The following TMEFF2 variants were observed in gnomAD, a reference collection of about 807,000 sequenced individuals.
TMEFF2 encodes transmembrane protein with EGF like and two follistatin like domains 2.
In TMEFF2, 28 loss-of-function variants were observed where a neutral mutation model predicts 53.8. The observed-to-expected ratio is 0.52, with a 90% CI of 0.39 to 0.71. The LOEUF (loss-of-function observed/expected upper bound fraction) is 0.71. TMEFF2 is among the 30% of genes least tolerant of loss of function. The pLI is 0.00. For synonymous variants in TMEFF2, 162 were observed against 166.3 expected, an observed-to-expected ratio of 0.97 and a Z score of 0.20; for missense variants, 353 against 455.2, an observed-to-expected ratio of 0.78 and a Z score of 2.04.
chr2:192,147,235 T>C (rs1047819827), intron 4 of TMEFF2, among the ~76,000 whole-genome samples: 38 of 152,052 alleles, frequency 2.5e-4, no homozygotes, highest in African/African-American at 8.4e-4. Flanking sequence ...TGGGTATATA[T>C]AAATTCAGAT....
At chr2:191,980,039 C>T (rs983024226) in intron 7 of TMEFF2, among the ~76,000 whole-genome samples, 8 of 152,096 alleles carry the variant, frequency 5.3e-5, no homozygotes, top group African/African-American at 1.7e-4. Context: ...CAGTCTTATT[C>T]GTTTACTCAA....
chr2:192,164,216 G>T (rs1396488710), intron 4 of TMEFF2, among the ~76,000 whole-genome samples: 3 of 151,978 alleles, frequency 2.0e-5, no homozygotes, highest in Non-Finnish European at 4.4e-5. Context: ...CCACTTTCCT[G>T]CTCATTCACT....
At chr2:192,176,426 G>C (rs75460799) in intron 4 of TMEFF2, among the ~76,000 whole-genome samples, 258 of 151,376 alleles carry the variant, frequency 1.7e-3, no homozygotes, top group African/African-American at 6.1e-3. Flanking sequence ...AACACTAAAA[G>C]AAGAGGATAC....
chr2:191,964,643 G>A lies in TMEFF2; in HGVS notation c.746-8265C>T, dbSNP rs116711814. Among the ~76,000 whole-genome samples the A allele has an allele frequency of 4.6e-3, 697 of 151,848 alleles. 3 individuals carry two copies. Among genetic ancestry groups the A allele is most frequent in the Non-Finnish European group, 7.6e-3 (517 of 67,960 alleles). ...AATGAAAAAGGCCCTCTCAATCCAT[G>A]TCCCTTGGTAGACCTCGTTTCCTTT... On this transcript the variant is annotated intron_variant, in intron 7 of 9. Transcript: ENST00000272771.
At chr2:192,101,619 AAC>A (rs1343983586) in intron 4 of TMEFF2, among the ~76,000 whole-genome samples, 1 of 152,198 alleles carries the variant, frequency 6.6e-6, no homozygotes, top group African/African-American at 2.4e-5. Context: ...CAAAGTGAGA[AAC>A]ACAGCTGGCA....
At chr2:192,011,948 G>A (rs1168504195) in intron 5 of TMEFF2, among the ~76,000 whole-genome samples, 1 of 151,734 alleles carries the variant, frequency 6.6e-6, no homozygotes, top group Non-Finnish European at 1.5e-5. Context: ...GTGCAGTGGC[G>A]CAGTCTCCGC....
At chr2:192,057,025 C>T (rs997498773) in intron 5 of TMEFF2, among the ~76,000 whole-genome samples, 1 of 152,102 alleles carries the variant, frequency 6.6e-6, no homozygotes, top group African/African-American at 2.4e-5. Flanking sequence ...TAAGTCTGAT[C>T]ATCTATTGCT....
intron 5 of TMEFF2, among the ~76,000 whole-genome samples, chr2:192,042,346 G>A (rs75643004): frequency 8.4e-4 from 128 of 152,266 alleles, no homozygotes; most frequent in South Asian, 2.1e-3. Flanking sequence ...CTTGCTTCAC[G>A]TGGTGTTGTC....
At chr2:191,975,826 C>T (rs943378206) in intron 7 of TMEFF2, among the ~76,000 whole-genome samples, 1 of 152,162 alleles carries the variant, frequency 6.6e-6, no homozygotes, top group African/African-American at 2.4e-5. Context: ...AACAGTTTTA[C>T]AGAGCCTCAG....
At chr2:191,970,181 A>C (rs1379767353) in intron 7 of TMEFF2, among the ~76,000 whole-genome samples, 2 of 152,122 alleles carry the variant, frequency 1.3e-5, no homozygotes, top group Admixed American at 6.6e-5. Context: ...GAGACACAGT[A>C]ATACCAATGA....
At chr2:192,169,598 C>T (rs1200101683) in intron 4 of TMEFF2, among the ~76,000 whole-genome samples, 3 of 151,918 alleles carry the variant, frequency 2.0e-5, no homozygotes, top group Non-Finnish European at 4.4e-5. Flanking sequence ...TCTGACTGTG[C>T]AAGTAAGAAA....
In TMEFF2 at chr2:192,035,750, C is replaced by T. The variant is rs549849896; in HGVS notation, c.536+21929G>A. On this transcript the variant is annotated intron_variant, in intron 5 of 9. Transcript: ENST00000272771. ...TTTCTGTCTGCATCACACAACTTAACCTTTAATTACTTGCCTACTGGGCAT... is the reference window on the plus strand; with the variant it reads ...TTTCTGTCTGCATCACACAACTTAATCTTTAATTACTTGCCTACTGGGCAT... 2.6e-5 allele frequency among the ~76,000 whole-genome samples: 4 copies of T among 152,312 alleles called. No homozygotes were observed. In the South Asian group the frequency reaches 8.3e-4, roughly 32 times the overall value.
At chr2:191,985,692 T>C (rs1180704796) in intron 7 of TMEFF2, among the ~76,000 whole-genome samples, 1 of 152,222 alleles carries the variant, frequency 6.6e-6, no homozygotes, top group Non-Finnish European at 1.5e-5. Context: ...CTGTGAAAGT[T>C]ATTCATTTGT....
intron 4 of TMEFF2, among the ~76,000 whole-genome samples, chr2:192,107,952 T>G (rs1048760693): frequency 2.2e-4 from 20 of 91,038 alleles, no homozygotes; most frequent in African/African-American, 6.7e-4. Flanking sequence ...AATATAACTG[T>G]TTTTTTTTTT....
chr2:192,117,129 A>G (rs955040277), intron 4 of TMEFF2, among the ~76,000 whole-genome samples: 2 of 152,148 alleles, frequency 1.3e-5, no homozygotes, highest in Non-Finnish European at 2.9e-5. Context: ...GATGGAGGCT[A>G]TAACAGAATG....
intron 7 of TMEFF2, among the ~76,000 whole-genome samples, chr2:191,957,823 G>A (rs1222659811): frequency 6.6e-6 from 1 of 152,170 alleles, no homozygotes; most frequent in African/African-American, 2.4e-5. Flanking sequence ...TCTTTAGCTA[G>A]GATGGTTGGT....
intron 5 of TMEFF2, among the ~76,000 whole-genome samples, chr2:192,034,245 G>T (rs1490986147): frequency 1.3e-5 from 2 of 150,912 alleles, no homozygotes; most frequent in Non-Finnish European, 3.0e-5. Context: ...AAAATTTAAT[G>T]AGTATGTTTT....
intron 4 of TMEFF2, among the ~76,000 whole-genome samples, chr2:192,059,920 A>T (rs1335352968): frequency 1.3e-5 from 2 of 152,172 alleles, no homozygotes; most frequent in Non-Finnish European, 2.9e-5. Flanking sequence ...TACTGGAAGC[A>T]TTGGTTTGCA....
intron 5 of TMEFF2, among the ~76,000 whole-genome samples, chr2:192,020,768 C>A (rs1394855309): frequency 6.6e-6 from 1 of 152,048 alleles, no homozygotes; most frequent in East Asian, 1.9e-4. Flanking sequence ...AATAAGATTT[C>A]AACAAAAATA....
Sources: allele counts gnomAD v4.1 joint callset (sites outside exome capture counted in the v4.1 genomes callset), GRCh38; gene constraint gnomAD v4.1.1; transcripts MANE v1.5; gene names NCBI Gene and HGNC (gene_info 2026-07-23, HGNC 2026-07-21).